CCDC191: variants seen among roughly 807,000 people sequenced by gnomAD.
CCDC191 encodes the protein coiled-coil domain-containing protein 191.
CCDC191 carries 99 observed loss-of-function variants against 114.0 expected under a neutral mutation model. The observed-to-expected ratio is 0.87, with a 90% confidence interval of 0.74 to 1.03. The LOEUF (loss-of-function observed/expected upper bound fraction) is 1.03. Ranked by LOEUF, CCDC191 falls within the 50% of genes least tolerant of loss-of-function variation. The pLI, the probability that CCDC191 is intolerant of heterozygous loss-of-function variation, is 0.00. For synonymous variants in CCDC191, 351 were observed against 376.0 expected, an observed-to-expected ratio of 0.93 and a Z score of 0.77; for missense variants, 973 against 1,087.0, an observed-to-expected ratio of 0.90 and a Z score of 1.47.
At chr3:113,966,410 G>A (rs2107543813) in intron 16 of CCDC191, among the ~76,000 whole-genome samples, 1 of 152,208 alleles carries the variant, frequency 6.6e-6, no homozygotes, top group Middle Eastern at 3.4e-3. Context: ...GGCTGAAACA[G>A]GTGACCAGAG....
rs1436581297 is a variant in CCDC191, at chr3:114,018,823, G to T, written c.1018C>A (p.His340Asn). Residue 340 changes from histidine to asparagine, a missense_variant, in exon 8 of 17, where the codon CAT becomes AAT. By Grantham distance (68) the His-to-Asn change is moderately conservative. Transcript: ENST00000295878. Reference protein sequence around the residue: ...FAAWHKLILDHRIKLGKAGTL... With the variant: ...FAAWHKLILDNRIKLGKAGTL... ...CCAGCTTTCCCCAGCTTAATCCTATGATCAAGAATCAGCTTGTGCCAGGCA... is the reference window on the plus strand; with the variant it reads ...CCAGCTTTCCCCAGCTTAATCCTATTATCAAGAATCAGCTTGTGCCAGGCA... 1 of 1,613,810 alleles carries T rather than the reference G, an allele frequency of 6.2e-7. No homozygotes were observed. Among genetic ancestry groups the T allele is most frequent in the Non-Finnish European group, 8.5e-7 (1 of 1,179,824 alleles).
In CCDC191 at chr3:113,969,862, A is replaced by AT. The variant is rs957959432; in HGVS notation, c.2607-4504dup. Among the ~76,000 whole-genome samples the AT allele has an allele frequency of 8.2e-4, 125 of 151,752 alleles. 1 individual carries two copies. The highest frequency in any genetic ancestry group is 6.8e-3 in the Middle Eastern group (2 of 294). ...CTGTGGTTTCATATAAATATTAGGA[A>AT]TTTTTTTTCTATTTCCGTGAAGAAT... On this transcript the variant is annotated intron_variant, in intron 16 of 16. Transcript: ENST00000295878.
intron 6 of CCDC191, among the ~76,000 whole-genome samples, chr3:114,034,494 T>C (rs749168454): frequency 8.5e-5 from 13 of 152,182 alleles, no homozygotes; most frequent in Non-Finnish European, 1.5e-4. Context: ...TAAGAATTTA[T>C]TCTAAGAATA....
At chr3:113,965,752 G>T (rs561577008) in intron 16 of CCDC191, among the ~76,000 whole-genome samples, 1 of 152,128 alleles carries the variant, frequency 6.6e-6, no homozygotes, top group East Asian at 1.9e-4. Context: ...ACCATGCCTG[G>T]CTAATTTTTT....
intron 2 of CCDC191, among the ~76,000 whole-genome samples, chr3:114,053,210 T>C (rs1195533543): frequency 1.3e-5 from 2 of 152,204 alleles, no homozygotes; most frequent in African/African-American, 2.4e-5. Context: ...AAAATTCTTA[T>C]TTGTGATGCA....
At chr3:113,974,193 C>G (rs1450957811) in intron 16 of CCDC191, among the ~76,000 whole-genome samples, 1 of 152,040 alleles carries the variant, frequency 6.6e-6, no homozygotes, top group African/African-American at 2.4e-5. Context: ...TCTTGAAGAT[C>G]ACTGGGTTTC....
chr3:114,052,565 T>G (rs893349194), intron 2 of CCDC191, among the ~76,000 whole-genome samples: 1 of 152,190 alleles, frequency 6.6e-6, no homozygotes. Flanking sequence ...CCATTTAAAT[T>G]AGTGCCTCTC....
chr3:114,049,698 G>C (rs2076676295), intron 2 of CCDC191, among the ~76,000 whole-genome samples: 1 of 152,188 alleles, frequency 6.6e-6, no homozygotes, highest in African/African-American at 2.4e-5. Context: ...CAAGGCAAGT[G>C]TTTGGGATAT....
intron 7 of CCDC191, among the ~76,000 whole-genome samples, chr3:114,028,237 A>G (rs1277102748): frequency 1.3e-5 from 2 of 150,626 alleles, no homozygotes; most frequent in Non-Finnish European, 3.0e-5. Flanking sequence ...GCTTTAGTGA[A>G]TTTATTCCCA....
intron 11 of CCDC191, chr3:114,003,652 G>A: frequency 1.0e-6 from 1 of 985,092 alleles, no homozygotes; most frequent in Non-Finnish European, 1.2e-6. Flanking sequence ...TACTTAACTG[G>A]GTATTTACTG....
chr3:114,024,790 T>G (rs1363492768), intron 7 of CCDC191, among the ~76,000 whole-genome samples: 1 of 152,142 alleles, frequency 6.6e-6, no homozygotes, highest in East Asian at 1.9e-4. Flanking sequence ...ACATGGCACA[T>G]ATATACACAG....
chr3:114,029,527 G>A (rs1279966181), intron 7 of CCDC191, among the ~76,000 whole-genome samples: 1 of 152,152 alleles, frequency 6.6e-6, no homozygotes, highest in African/African-American at 2.4e-5. Flanking sequence ...AATTGTTGCA[G>A]GCAAGAGCCA....
intron 13 of CCDC191, among the ~76,000 whole-genome samples, chr3:113,992,717 T>TA (rs2075609500): frequency 1.3e-5 from 2 of 151,908 alleles, no homozygotes; most frequent in African/African-American, 4.8e-5. Context: ...CCCTAAAACT[T>TA]AAAGTATAAT....
At chr3:114,036,169 ATCTGTCT>A (rs2076480017) in intron 5 of CCDC191, among the ~76,000 whole-genome samples, 2 of 152,158 alleles carry the variant, frequency 1.3e-5, no homozygotes, top group Non-Finnish European at 2.9e-5. Context: ...TTCAATTCAG[ATCTGTCT>A]TCCATTTTAA....
upstream of CCDC191, chr3:114,056,543 G>C: frequency 6.2e-7 from 1 of 1,609,534 alleles, no homozygotes; most frequent in Non-Finnish European, 8.5e-7. Flanking sequence ...GGGTCACGCT[G>C]GGAATTGTAG....
At chr3:114,022,409 C>A (rs1326338101) in intron 7 of CCDC191, among the ~76,000 whole-genome samples, 1 of 152,166 alleles carries the variant, frequency 6.6e-6, no homozygotes, top group East Asian at 1.9e-4. Context: ...CAAAATTCCT[C>A]AGCTATTTCT....
rs776214964 is a variant in CCDC191 at position 114,036,746 on chromosome 3, G to A, written c.456C>T (p.Thr152=). The A allele has an allele frequency of 4.0e-5, 63 of 1,582,010 alleles. No individual in the cohort carries two copies. Among genetic ancestry groups the A allele is most frequent in the African/African-American group, 2.2e-4 (16 of 73,528 alleles). ...GCAGATGGTCTATAAATTTTTGAAC[G>A]GTGGTACTTTCCTCTTCTTCCTCCA... The part of the protein sequence containing the change: ...GYLEEEEEST[T]VQKFIDHLLH... The change falls in exon 5 of 17, where the codon ACC becomes ACT. Residue 152 remains threonine, a synonymous_variant. Coordinates refer to ENST00000295878, the MANE Select transcript of CCDC191 (RefSeq NM_020817.2).
intron 16 of CCDC191, among the ~76,000 whole-genome samples, chr3:113,974,430 C>T (rs1190199996): frequency 6.6e-6 from 1 of 152,070 alleles, no homozygotes; most frequent in Non-Finnish European, 1.5e-5. Context: ...AGCCATTCTC[C>T]TGCCTCAGGC....
At chr3:114,042,593 A>T (rs1274073513) in intron 4 of CCDC191, 110 bp downstream of exon 4, 7 of 892,582 alleles carry the variant, frequency 7.8e-6, no homozygotes, top group Non-Finnish European at 1.1e-5. Flanking sequence ...AAAAACTAAA[A>T]AAAACACAGA....
Sources: allele counts gnomAD v4.1 joint callset (sites outside exome capture counted in the v4.1 genomes callset), GRCh38; gene constraint gnomAD v4.1.1; transcripts MANE v1.5; gene names NCBI Gene and HGNC (gene_info 2026-07-23, HGNC 2026-07-21).